Variants in CDK7 observed in about 807,000 individuals in gnomAD.
CDK7 encodes cyclin-dependent kinase 7.
Under a neutral mutation model 49.1 loss-of-function variants are expected in CDK7, and 25 were observed. That is an observed-to-expected ratio of 0.51 (90% CI 0.37 to 0.71). The LOEUF (loss-of-function observed/expected upper bound fraction) is 0.71. Ranked by LOEUF, CDK7 falls within the 30% of genes least tolerant of loss-of-function variation. The pLI, the probability that CDK7 is intolerant of heterozygous loss-of-function variation, is 0.00. For synonymous variants in CDK7, 107 were observed against 140.0 expected (o/e 0.76, Z 1.67); for missense variants, 316 against 411.7 (o/e 0.77, Z 2.01).
At chr5:69,271,361 T>C (rs1751519211) in intron 9 of CDK7, among the ~76,000 whole-genome samples, 1 of 152,166 alleles carries the variant, frequency 6.6e-6, no homozygotes, top group African/African-American at 2.4e-5. Context: ...AAAAAGTGTA[T>C]GTAGTTTGCA....
intron 10 of CDK7, among the ~76,000 whole-genome samples, chr5:69,275,413 C>T (rs1010734489): frequency 2.6e-5 from 4 of 151,986 alleles, no homozygotes; most frequent in African/African-American, 9.7e-5. Context: ...CTTGTAAGTT[C>T]TTTTTAAGTT....
intron 2 of CDK7, among the ~76,000 whole-genome samples, chr5:69,240,284 C>G (rs1749280565): frequency 6.6e-6 from 1 of 152,072 alleles, no homozygotes; most frequent in Admixed American, 6.6e-5. Context: ...ATTTTGGCTA[C>G]TCTATGAGAC....
intron 9 of CDK7, among the ~76,000 whole-genome samples, chr5:69,270,724 A>T (rs1751471662): frequency 6.6e-6 from 1 of 152,212 alleles, no homozygotes; most frequent in Admixed American, 6.5e-5. Context: ...GAATCACACA[A>T]TATATAACTT....
intron 2 of CDK7, chr5:69,250,803 A>G (rs559709024): frequency 2.6e-5 from 12 of 456,528 alleles, no homozygotes; most frequent in South Asian, 1.9e-4. Flanking sequence ...TGAAGCCAAT[A>G]TGTCTCGGAG....
intron 2 of CDK7, among the ~76,000 whole-genome samples, chr5:69,237,436 A>G (rs571166410): frequency 1.3e-5 from 2 of 152,236 alleles, no homozygotes; most frequent in East Asian, 1.9e-4. Flanking sequence ...CTGATTCCTT[A>G]TCATCCAGGC....
chr5:69,236,721 G>A (rs1282814676), intron 2 of CDK7, among the ~76,000 whole-genome samples: 3 of 150,968 alleles, frequency 2.0e-5, no homozygotes, highest in African/African-American at 2.4e-5. Context: ...GTGCGATTTC[G>A]GCTCACTGGA....
At chr5:69,255,801 G>T in intron 5 of CDK7, 1 of 428,570 alleles carries the variant, frequency 2.3e-6, no homozygotes, top group Non-Finnish European at 4.3e-6. Flanking sequence ...GGAGAAATGA[G>T]CATTAGACCT....
intron 2 of CDK7, among the ~76,000 whole-genome samples, chr5:69,241,987 T>C (rs1304073145): frequency 6.6e-6 from 1 of 152,214 alleles, no homozygotes; most frequent in Non-Finnish European, 1.5e-5. Flanking sequence ...CCCAGTCCAA[T>C]GTTCTGGAGA....
At chr5:69,267,044 AAC>A (rs969899065) in intron 8 of CDK7, among the ~76,000 whole-genome samples, 28 of 152,272 alleles carry the variant, frequency 1.8e-4, no homozygotes, top group African/African-American at 6.7e-4. Context: ...AGACATTTTA[AAC>A]ACACAGCTTA....
chr5:69,246,219 C>T (rs1486536117), intron 2 of CDK7, among the ~76,000 whole-genome samples: 2 of 152,098 alleles, frequency 1.3e-5, no homozygotes, highest in African/African-American at 4.8e-5. Context: ...TCACTGCAAT[C>T]TCCGCCTCCC....
chr5:69,246,829 A>G (rs951472825), intron 2 of CDK7, among the ~76,000 whole-genome samples: 6 of 150,548 alleles, frequency 4.0e-5, no homozygotes, highest in East Asian at 2.0e-4. Context: ...AAATTTTTCA[A>G]TTTTCTTCTT....
At chr5:69,256,294 T>G (rs1750486339) in intron 5 of CDK7, among the ~76,000 whole-genome samples, 1 of 152,110 alleles carries the variant, frequency 6.6e-6, no homozygotes, top group Non-Finnish European at 1.5e-5. Context: ...AAGAAACTTA[T>G]TTCCATATAA....
chr5:69,265,503 A>G (rs1273637104), intron 8 of CDK7, among the ~76,000 whole-genome samples: 8 of 152,224 alleles, frequency 5.3e-5, no homozygotes. Context: ...CAACAGCAGC[A>G]CTGGAATCTG....
In CDK7 at chr5:69,276,276, G is replaced by A. The variant is rs183769944; in HGVS notation, c.865-267G>A. Among the ~76,000 whole-genome samples, 740 of 152,180 alleles carry A rather than the reference G, an allele frequency of 4.9e-3. 1 individual carries two copies. Among genetic ancestry groups the A allele is most frequent in the Non-Finnish European group, 7.6e-3 (517 of 68,012 alleles). ...ACTTCTGACCTCATGTGATCCACCCGCCTCAGCCTCCCAAGGTGCTGGGAT... is the reference window on the plus strand; with the variant it reads ...ACTTCTGACCTCATGTGATCCACCCACCTCAGCCTCCCAAGGTGCTGGGAT... On this transcript the variant is annotated intron_variant, in intron 10 of 11. Transcript: ENST00000256443.
In CDK7 at chr5:69,259,889, A is replaced by G; in HGVS notation, c.480A>G (p.Lys160=). The G allele has an allele frequency of 6.2e-7, 1 of 1,613,980 alleles. No individual in the cohort carries two copies. The highest frequency in any genetic ancestry group is 8.5e-7 in the Non-Finnish European group (1 of 1,179,894). ...AACTGGCAGATTTTGGCCTGGCCAAATCTTTTGGGAGCCCCAATAGAGCTT... is the reference window on the plus strand; with the variant it reads ...AACTGGCAGATTTTGGCCTGGCCAAGTCTTTTGGGAGCCCCAATAGAGCTT... ...VLKLADFGLA[K]SFGSPNRAYT... Residue 160 remains lysine (K), a synonymous_variant, in exon 7 of 12, where the codon AAA becomes AAG. Coordinates refer to ENST00000256443, the MANE Select transcript of CDK7 (RefSeq NM_001799.4).
At chr5:69,237,081 T>G (rs1448134502) in intron 2 of CDK7, among the ~76,000 whole-genome samples, 2 of 151,792 alleles carry the variant, frequency 1.3e-5, no homozygotes, top group East Asian at 3.9e-4. Context: ...GAATCTTTCT[T>G]CATCTTTCTT....
At chr5:69,238,022 G>C (rs754525351) in intron 2 of CDK7, among the ~76,000 whole-genome samples, 1 of 152,060 alleles carries the variant, frequency 6.6e-6, no homozygotes, top group South Asian at 2.1e-4. Flanking sequence ...TTCTACTCCC[G>C]TTCATTTGCT....
At chr5:69,236,223 G>C (rs1748965271) in intron 2 of CDK7, among the ~76,000 whole-genome samples, 1 of 147,416 alleles carries the variant, frequency 6.8e-6, no homozygotes, top group Non-Finnish European at 1.5e-5. Flanking sequence ...CCTGGTGACA[G>C]AGGGAGACTC....
intron 2 of CDK7, among the ~76,000 whole-genome samples, chr5:69,244,794 C>G (rs904617220): frequency 6.6e-6 from 1 of 151,912 alleles, no homozygotes; most frequent in Non-Finnish European, 1.5e-5. Flanking sequence ...TCAGTTTTTC[C>G]CCATTCTGTA....
Sources: gnomAD v4.1 joint callset for allele counts (sites outside exome capture counted in the v4.1 genomes callset) on GRCh38, gnomAD v4.1.1 for gene constraint, MANE v1.5 for transcripts, NCBI Gene and HGNC (gene_info 2026-07-23, HGNC 2026-07-21) for gene names.